CDH4: variants seen among roughly 807,000 people sequenced by gnomAD.
CDH4 encodes the protein cadherin 4, also known as cadherin-4.
Under a neutral mutation model 86.0 loss-of-function variants are expected in CDH4, and 33 were observed. The observed-to-expected ratio is 0.38, with a 90% CI of 0.29 to 0.51. The LOEUF (loss-of-function observed/expected upper bound fraction) is 0.51, where lower values mean the gene tolerates loss of function less well. Among genes scored for constraint, CDH4 ranks in the 20% least tolerant of loss-of-function variants. The pLI is 0.86. For synonymous variants in CDH4, 555 were observed against 549.4 expected (o/e 1.01, Z -0.14); for missense variants, 1,114 against 1,307.4 (o/e 0.85, Z 2.28).
chr20:61,541,463 T>C (rs2086038823), intron 2 of CDH4, among the ~76,000 whole-genome samples: 1 of 152,228 alleles, frequency 6.6e-6, no homozygotes, highest in East Asian at 1.9e-4. Flanking sequence ...ATCTTAAAAA[T>C]ATTGAATAGA....
intron 2 of CDH4, chr20:61,719,290 G>A (rs1424216087): frequency 5.4e-6 from 2 of 367,666 alleles, no homozygotes; most frequent in Non-Finnish European, 1.1e-5. Context: ...TTTCTGTGCC[G>A]TGTGGCCTCA....
rs561312174 is a variant in CDH4 at position 61,843,214 on chromosome 20, G to A, written c.577-1454G>A. On this transcript the variant is annotated intron_variant, in intron 4 of 15. Coordinates refer to ENST00000614565, the MANE Select transcript of CDH4 (RefSeq NM_001794.5). ...GCCTGTAATCCCAGCACTTTGGGAG[G>A]CCGAGGCGGGTGAATCATGAGGTCA... is the stretch of plus-strand genomic sequence containing the variant. 4.6e-5 allele frequency among the ~76,000 whole-genome samples: 7 copies of A among 152,006 alleles called. No homozygotes were observed. In the South Asian group the frequency reaches 1.5e-3, roughly 32 times the overall value.
In CDH4 at chr20:61,341,330, C is replaced by T. The variant is rs186149927; in HGVS notation, c.169+86393C>T. Among the ~76,000 whole-genome samples, 1,182 of 152,228 alleles carry T rather than the reference C, an allele frequency of 7.8e-3. 5 individuals are homozygous for T. Among genetic ancestry groups the T allele is most frequent in the African/African-American group, 0.019 (802 of 41,542 alleles). On this transcript the variant is annotated intron_variant, in intron 2 of 15. Transcript: ENST00000614565. Reference sequence around the variant, plus strand: ...GACCTGCAGAAATGGTTGTCATTGTCATTACTTTCATTAAACTTTGGCTTC... The same window carrying T: ...GACCTGCAGAAATGGTTGTCATTGTTATTACTTTCATTAAACTTTGGCTTC...
At chr20:61,840,692 G>A (rs183088541) in intron 4 of CDH4, among the ~76,000 whole-genome samples, 172 of 152,332 alleles carry the variant, frequency 1.1e-3, no homozygotes, top group African/African-American at 3.9e-3. Flanking sequence ...GGGCTTCTGC[G>A]GTGTTTGTCT....
chr20:61,667,744 C>T (rs1305477007), intron 2 of CDH4, among the ~76,000 whole-genome samples: 1 of 152,210 alleles, frequency 6.6e-6, no homozygotes, highest in East Asian at 1.9e-4. Flanking sequence ...GCCCTATATC[C>T]TGCTCTCAGC....
chr20:61,673,373 TTTGTGCCTCC>T (rs1210677778), intron 2 of CDH4, among the ~76,000 whole-genome samples: 1 of 152,186 alleles, frequency 6.6e-6, no homozygotes, highest in Non-Finnish European at 1.5e-5. Flanking sequence ...GGGCAATCTT[TTTGTGCCTCC>T]TTTTAAAGGC....
intron 4 of CDH4, among the ~76,000 whole-genome samples, chr20:61,820,909 AGGAC>A (rs1402584133): frequency 2.0e-5 from 3 of 152,126 alleles, no homozygotes; most frequent in African/African-American, 7.2e-5. Flanking sequence ...AGGTAGAAAT[AGGAC>A]AGGCTTTGCG....
rs991397672 is a variant in CDH4, at chr20:61,570,679, G to A, written c.170-172884G>A. The A allele has an allele frequency of 4.3e-6, 3 of 702,392 alleles. No homozygotes were observed. In the East Asian group the frequency reaches 8.0e-5, roughly 19 times the overall value. 43.5% of individuals were successfully genotyped at this position (702,392 alleles called of 1,614,324 possible). On this transcript the variant is annotated intron_variant, in intron 2 of 15. Transcript: ENST00000614565. The stretch of plus-strand genomic sequence containing the variant: ...ATTGGGCTGTGGATCCAGAACTCAA[G>A]TTCCAGAGGAAAGCGATGCCAAAGT...
chr20:61,740,812 A>G (rs2088323503), intron 2 of CDH4: 1 of 152,264 alleles, frequency 6.6e-6, no homozygotes, highest in Admixed American at 6.5e-5. Context: ...CACCCAAGTT[A>G]TGGTTAGACT....
intron 2 of CDH4, among the ~76,000 whole-genome samples, chr20:61,567,491 C>A (rs914513856): frequency 2.6e-5 from 4 of 152,160 alleles, no homozygotes; most frequent in Non-Finnish European, 5.9e-5. Flanking sequence ...ATGTAATTAA[C>A]CCCATTCAGG....
intron 3 of CDH4, among the ~76,000 whole-genome samples, chr20:61,760,965 GTGTT>G (rs1423498508): frequency 6.6e-6 from 1 of 152,230 alleles, no homozygotes; most frequent in Non-Finnish European, 1.5e-5. Flanking sequence ...GTTTTAGTGT[GTGTT>G]TGTTGAATAC....
chr20:61,314,970 T>G (rs939322060), intron 2 of CDH4, among the ~76,000 whole-genome samples: 1 of 152,246 alleles, frequency 6.6e-6, no homozygotes, highest in Non-Finnish European at 1.5e-5. Flanking sequence ...ATTTTTTTAT[T>G]ACATTGTTTT....
At chr20:61,285,514 C>T (rs2123173305) in intron 2 of CDH4, among the ~76,000 whole-genome samples, 1 of 152,350 alleles carries the variant, frequency 6.6e-6, no homozygotes, top group East Asian at 1.9e-4. Context: ...AGCTGAAAGG[C>T]CTGGCCTGTG....
intron 4 of CDH4, among the ~76,000 whole-genome samples, chr20:61,818,596 T>G (rs1980852598): frequency 6.6e-6 from 1 of 151,528 alleles, no homozygotes; most frequent in Admixed American, 6.6e-5. Context: ...GAGGATTGCT[T>G]GAGTCCCAGA....
chr20:61,391,548 A>C lies in CDH4; in HGVS notation c.169+136611A>C, dbSNP rs200512899. On this transcript the variant is annotated intron_variant, in intron 2 of 15. Coordinates refer to ENST00000614565, the MANE Select transcript of CDH4 (RefSeq NM_001794.5). ...GGCTCAGCAATTGTCTAAACAGAGG[A>C]GGCTCCTTCTTAGACAGCAAAGCTG... Among the ~76,000 whole-genome samples, 11 of 144,896 alleles carry C rather than the reference A, an allele frequency of 7.6e-5. No individual in the cohort carries two copies. In the East Asian group the frequency reaches 1.8e-3, roughly 24 times the overall value.
chr20:61,545,399 T>C (rs561084537), intron 2 of CDH4, among the ~76,000 whole-genome samples: 2 of 152,290 alleles, frequency 1.3e-5, no homozygotes, highest in South Asian at 2.1e-4. Context: ...GAAGGATGCT[T>C]TTCCTTCAGG....
At position 61,681,701 on chromosome 20, in the gene CDH4, G is replaced by C. The variant is rs1049417439; in HGVS notation, c.170-61862G>C. Among the ~76,000 whole-genome samples the C allele has an allele frequency of 6.6e-6, 1 of 152,182 alleles. No homozygotes were observed. Among genetic ancestry groups the C allele is most frequent in the Admixed American group, 6.5e-5 (1 of 15,292 alleles). ...CCCCTAAAGAGCTTTCTGGGCATCG[G>C]GAAAGTCCGGGCTCAGTGCATGTGG... On this transcript the variant is annotated intron_variant, in intron 2 of 15. Transcript: ENST00000614565. This position sits in a 1 kb window ranked among gnomAD's most constrained non-coding sequence, Gnocchi z 4.5.
chr20:61,876,209 C>G (rs912031015), intron 7 of CDH4, among the ~76,000 whole-genome samples: 2 of 152,210 alleles, frequency 1.3e-5, no homozygotes, highest in Admixed American at 6.5e-5. Context: ...GGGGCAGGGT[C>G]AGGGGTTACC....
intron 2 of CDH4, among the ~76,000 whole-genome samples, chr20:61,415,998 C>T (rs1036598674): frequency 2.1e-5 from 3 of 145,234 alleles, no homozygotes; most frequent in Admixed American, 7.0e-5. Flanking sequence ...CCATGCCTGG[C>T]CTCTCCTTCC....
Sources: allele counts gnomAD v4.1 joint callset (sites outside exome capture counted in the v4.1 genomes callset), GRCh38; gene constraint gnomAD v4.1.1; non-coding constraint Gnocchi (gnomAD v3.1); transcripts MANE v1.5; gene names NCBI Gene and HGNC (gene_info 2026-07-23, HGNC 2026-07-21).